Variants in BBS9 observed in about 807,000 individuals in gnomAD.
BBS9 encodes the protein protein PTHB1.
BBS9 carries 89 observed loss-of-function variants against 117.7 expected under a neutral mutation model. That is an observed-to-expected ratio of 0.76 (90% CI 0.64 to 0.90). The LOEUF is 0.90. BBS9 is among the 40% of genes least tolerant of loss of function. The probability of loss-of-function intolerance (pLI) is 0.00; values close to 1 mark genes in which losing one functional copy is unlikely to be tolerated. For missense variants in BBS9, 982 were observed against 1,042.2 expected, an observed-to-expected ratio of 0.94 and a Z score of 0.80; for synonymous variants, 379 against 370.9, an observed-to-expected ratio of 1.02 and a Z score of -0.25.
intron 21 of BBS9, among the ~76,000 whole-genome samples, chr7:33,566,619 C>A (rs1335438994): frequency 6.6e-6 from 1 of 151,882 alleles, no homozygotes; most frequent in Non-Finnish European, 1.5e-5. Flanking sequence ...AATTTAAATG[C>A]CTGTTTTCTA....
intron 7 of BBS9, among the ~76,000 whole-genome samples, chr7:33,265,406 C>T (rs1370074934): frequency 6.6e-6 from 1 of 151,902 alleles, no homozygotes; most frequent in Non-Finnish European, 1.5e-5. Context: ...AATTTAGAAG[C>T]ACCATAGTAA....
At chr7:33,168,679 T>C (rs553776832) in intron 4 of BBS9, among the ~76,000 whole-genome samples, 1 of 152,296 alleles carries the variant, frequency 6.6e-6, no homozygotes, top group East Asian at 1.9e-4. Context: ...CTTTCTATAT[T>C]CATCTTGTTT....
intron 4 of BBS9, among the ~76,000 whole-genome samples, chr7:33,169,446 A>G (rs1476108986): frequency 1.3e-5 from 2 of 151,208 alleles, no homozygotes; most frequent in Non-Finnish European, 3.0e-5. Context: ...AAGTGTTCCT[A>G]TTTCTCCACA....
intron 16 of BBS9, among the ~76,000 whole-genome samples, chr7:33,366,264 G>A (rs542711207): frequency 7.0e-4 from 106 of 152,244 alleles, no homozygotes; most frequent in Admixed American, 7.8e-4. Flanking sequence ...CCCACTCCAC[G>A]GCTGTCACCA....
intron 19 of BBS9, among the ~76,000 whole-genome samples, chr7:33,433,279 A>C (rs1460263937): frequency 1.3e-5 from 2 of 152,196 alleles, no homozygotes; most frequent in African/African-American, 4.8e-5. Context: ...ATGTATATTA[A>C]TCAATAATTT....
intron 9 of BBS9, among the ~76,000 whole-genome samples, chr7:33,317,587 C>G (rs1187687407): frequency 6.6e-6 from 1 of 152,068 alleles, no homozygotes; most frequent in Non-Finnish European, 1.5e-5. Flanking sequence ...GGTTTCACCC[C>G]CTAAAGATGT....
chr7:33,394,168 A>G (rs1341630155), intron 19 of BBS9, among the ~76,000 whole-genome samples: 2 of 152,070 alleles, frequency 1.3e-5, no homozygotes, highest in Non-Finnish European at 2.9e-5. Context: ...GTGAATAAAT[A>G]TTTTTCAGTT....
At chr7:33,345,338 T>A (rs1817395488) in intron 12 of BBS9, among the ~76,000 whole-genome samples, 1 of 152,216 alleles carries the variant, frequency 6.6e-6, no homozygotes, top group African/African-American at 2.4e-5. Context: ...TGAAAATATT[T>A]ATCATGCCCA....
intron 19 of BBS9, among the ~76,000 whole-genome samples, chr7:33,420,826 G>A (rs1206498262): frequency 6.6e-6 from 1 of 152,178 alleles, no homozygotes; most frequent in Non-Finnish European, 1.5e-5. Flanking sequence ...AGTATTTTGT[G>A]TATGCTGGGA....
intron 4 of BBS9, among the ~76,000 whole-genome samples, chr7:33,174,661 G>A (rs550612157): frequency 6.6e-6 from 1 of 152,218 alleles, no homozygotes; most frequent in Non-Finnish European, 1.5e-5. Context: ...TTATGTTATA[G>A]TTCATTATGT....
chr7:33,494,973 C>T (rs1285755875), intron 19 of BBS9, among the ~76,000 whole-genome samples: 1 of 152,198 alleles, frequency 6.6e-6, no homozygotes, highest in Middle Eastern at 3.2e-3. Flanking sequence ...GCCATATAGA[C>T]ATTTACATAT....
chr7:33,296,128 G>A (rs955178806), intron 9 of BBS9, among the ~76,000 whole-genome samples: 26 of 152,090 alleles, frequency 1.7e-4, no homozygotes, highest in African/African-American at 6.0e-4. Context: ...TTTAAAATGG[G>A]TAGAAAAAGA....
In BBS9 at chr7:33,207,928, C is replaced by T. The variant is rs575118559; in HGVS notation, c.442+30337C>T. ...GTTCAAGCGATTCTCCTGCCTCAGC[C>T]TCCTGGGTAGCTGGGATTATAGGTG... On this transcript the variant is annotated intron_variant, in intron 5 of 22. Transcript: ENST00000242067. 1.8e-4 allele frequency among the ~76,000 whole-genome samples: 27 copies of T among 152,216 alleles called. No homozygotes were observed. In the South Asian group the frequency reaches 5.4e-3, roughly 30 times the overall value.
chr7:33,467,005 C>G (rs1238136273), intron 19 of BBS9, among the ~76,000 whole-genome samples: 1 of 115,614 alleles, frequency 8.6e-6, no homozygotes, highest in Non-Finnish European at 1.7e-5. Flanking sequence ...TTCATTCATT[C>G]ATTCATTCTC....
rs929797178 is a variant in BBS9, at chr7:33,343,792, C to T, written c.1276-789C>T. Among the ~76,000 whole-genome samples the T allele has an allele frequency of 2.0e-4, 30 of 152,282 alleles. 1 individual carries two copies. Among genetic ancestry groups the T allele is most frequent in the African/African-American group, 6.7e-4 (28 of 41,560 alleles). ...AGGATTACAGGCATGAGCCACCGCA[C>T]ATGGCCTACTTTTATTTTATGGGTG... On this transcript the variant is annotated intron_variant, in intron 11 of 22. Coordinates refer to ENST00000242067, the MANE Select transcript of BBS9 (RefSeq NM_198428.3).
At chr7:33,231,720 TAGAC>T (rs774960486) in intron 5 of BBS9, among the ~76,000 whole-genome samples, 2 of 152,142 alleles carry the variant, frequency 1.3e-5, no homozygotes, top group Non-Finnish European at 2.9e-5. Context: ...TCAAAAGAAA[TAGAC>T]AGGAATGACT....
chr7:33,459,365 G>C (rs909270867), intron 19 of BBS9, among the ~76,000 whole-genome samples: 1 of 151,928 alleles, frequency 6.6e-6, no homozygotes, highest in African/African-American at 2.4e-5. Context: ...TGGGGAGAAG[G>C]GAGAGGATAC....
chr7:33,399,075 G>A (rs1194291112), intron 19 of BBS9, among the ~76,000 whole-genome samples: 1 of 152,164 alleles, frequency 6.6e-6, no homozygotes, highest in African/African-American at 2.4e-5. Context: ...TTCATAGTAT[G>A]TCTTCAAAAA....
At chr7:33,529,855 T>C (rs2129054572) in intron 20 of BBS9, among the ~76,000 whole-genome samples, 2 of 152,352 alleles carry the variant, frequency 1.3e-5, no homozygotes, top group South Asian at 4.1e-4. Flanking sequence ...GTATGATTGA[T>C]ATTTATCTTT....
Sources: gnomAD v4.1 joint callset for allele counts (sites outside exome capture counted in the v4.1 genomes callset) on GRCh38, gnomAD v4.1.1 for gene constraint, MANE v1.5 for transcripts, NCBI Gene and HGNC (gene_info 2026-07-23, HGNC 2026-07-21) for gene names.